CALD1: variants seen among roughly 807,000 people sequenced by gnomAD.
The protein encoded by CALD1 is caldesmon.
In CALD1, 33 loss-of-function variants were observed where a neutral mutation model predicts 99.9. That is an observed-to-expected ratio of 0.33 (90% CI 0.25 to 0.44). CALD1 has a LOEUF of 0.44. Among genes scored for constraint, CALD1 ranks in the 20% least tolerant of loss-of-function variants. The pLI, the probability that CALD1 is intolerant of heterozygous loss-of-function variation, is 1.00. For missense variants in CALD1, 861 were observed against 962.1 expected, an observed-to-expected ratio of 0.89 and a Z score of 1.39; for synonymous variants, 310 against 325.0, an observed-to-expected ratio of 0.95 and a Z score of 0.50.
chr7:134,841,670 C>T (rs907865240), intron 1 of CALD1, among the ~76,000 whole-genome samples: 5 of 152,206 alleles, frequency 3.3e-5, no homozygotes, highest in African/African-American at 1.2e-4. Flanking sequence ...GCTTCTTTGG[C>T]ACTTTCATCT....
At chr7:134,814,724 G>C (rs78363507) in intron 1 of CALD1, among the ~76,000 whole-genome samples, 1 of 152,160 alleles carries the variant, frequency 6.6e-6, no homozygotes, top group East Asian at 1.9e-4. Context: ...AAGAAGGTCA[G>C]ATAAAGAGTG....
At chr7:134,839,904 G>A (rs118118836) in intron 1 of CALD1, among the ~76,000 whole-genome samples, 3 of 152,146 alleles carry the variant, frequency 2.0e-5, no homozygotes, top group Non-Finnish European at 2.9e-5. Context: ...TTTGTGAAAT[G>A]CCTGTTGAAA....
At chr7:134,943,902 T>A in intron 7 of CALD1, among the ~76,000 whole-genome samples, 1 of 152,236 alleles carries the variant, frequency 6.6e-6, no homozygotes, top group East Asian at 1.9e-4. Flanking sequence ...ATTAATGATA[T>A]TAGATTCTAC....
chr7:134,918,863 G>T (rs1456547284), intron 3 of CALD1, among the ~76,000 whole-genome samples: 1 of 152,174 alleles, frequency 6.6e-6, no homozygotes, highest in East Asian at 1.9e-4. Flanking sequence ...AGATGTGGTG[G>T]TGCACACCTG....
intron 1 of CALD1, among the ~76,000 whole-genome samples, chr7:134,751,291 T>C (rs899223250): frequency 2.0e-5 from 3 of 152,226 alleles, no homozygotes; most frequent in Non-Finnish European, 4.4e-5. Context: ...TGACACCTAT[T>C]ATTAGTATAA....
intron 1 of CALD1, among the ~76,000 whole-genome samples, chr7:134,762,738 G>A (rs1585901897): frequency 6.6e-6 from 1 of 152,096 alleles, no homozygotes; most frequent in Middle Eastern, 3.4e-3. Context: ...TCACTATCAC[G>A]AGAACAGCAC....
intron 3 of CALD1, among the ~76,000 whole-genome samples, chr7:134,907,316 G>C (rs1319662524): frequency 6.6e-6 from 1 of 152,070 alleles, no homozygotes; most frequent in Non-Finnish European, 1.5e-5. Context: ...GAGGAAGAAG[G>C]TGATAAGAAC....
At chr7:134,759,923 G>C (rs1019882925) in intron 1 of CALD1, among the ~76,000 whole-genome samples, 10 of 152,220 alleles carry the variant, frequency 6.6e-5, no homozygotes, top group African/African-American at 2.4e-4. Flanking sequence ...GTGGCAGGAT[G>C]GTTCTCATTC....
chr7:134,835,012 T>C (rs1799375921), intron 1 of CALD1, among the ~76,000 whole-genome samples: 1 of 152,228 alleles, frequency 6.6e-6, no homozygotes, highest in African/African-American at 2.4e-5. Flanking sequence ...GTGAGTGTGA[T>C]ATTTTACCAG....
chr7:134,750,823 G>A (rs1192830932), intron 1 of CALD1, among the ~76,000 whole-genome samples: 1 of 151,750 alleles, frequency 6.6e-6, no homozygotes, highest in African/African-American at 2.4e-5. Flanking sequence ...CTATACCAAA[G>A]TTCCAGAGCA....
chr7:134,877,552 A>G (rs1195943359), intron 3 of CALD1, among the ~76,000 whole-genome samples: 2 of 152,198 alleles, frequency 1.3e-5, no homozygotes, highest in Non-Finnish European at 1.5e-5. Context: ...CTGAGGATTC[A>G]ACCAACCCAG....
intron 2 of CALD1, among the ~76,000 whole-genome samples, chr7:134,851,025 A>C (rs1222717158): frequency 6.6e-6 from 1 of 152,170 alleles, no homozygotes; most frequent in East Asian, 1.9e-4. Context: ...GCCACGTGGA[A>C]CTGTGATTCA....
At position 134,958,113 on chromosome 7, in the gene CALD1, G is replaced by GTAAATATT. The variant is rs1473703214; in HGVS notation, c.1979+8_1979+9insTTAAATAT. ...TTTTGAATAAGTCTGTGCAGAAAAGGTAAATATGCTTGATGGTTCAATTGA... is the reference window on the plus strand; with the variant it reads ...TTTTGAATAAGTCTGTGCAGAAAAGGTAAATATTTAAATATGCTTGATGGTTCAATTGA... On this transcript the variant is annotated splice_donor_variant, in intron 10 of 14. Coordinates refer to ENST00000361675, the MANE Select transcript of CALD1 (RefSeq NM_033138.4). LOFTEE classifies it high-confidence loss of function. 1 of 1,610,736 alleles carries GTAAATATT rather than the reference G, an allele frequency of 6.2e-7. No homozygotes were observed. Among genetic ancestry groups the GTAAATATT allele is most frequent in the South Asian group, 1.1e-5 (1 of 90,986 alleles).
At chr7:134,809,858 A>G (rs970257717) in intron 1 of CALD1, among the ~76,000 whole-genome samples, 21 of 152,200 alleles carry the variant, frequency 1.4e-4, no homozygotes, top group Non-Finnish European at 2.9e-4. Context: ...TGATGAGAAC[A>G]TATTTTCATT....
intron 3 of CALD1, among the ~76,000 whole-genome samples, chr7:134,887,381 G>A (rs1801905046): frequency 6.6e-6 from 1 of 152,186 alleles, no homozygotes; most frequent in Non-Finnish European, 1.5e-5. Flanking sequence ...TTCACCTTGG[G>A]GTGGGGGAAC....
intron 2 of CALD1, among the ~76,000 whole-genome samples, chr7:134,866,234 A>T (rs75783036): frequency 2.0e-3 from 300 of 152,294 alleles, no homozygotes; most frequent in African/African-American, 7.0e-3. Context: ...ACTAGATTGG[A>T]AAGTGTAGAA....
In CALD1 at chr7:134,783,008, AAGATCCACTTG is replaced by A. The variant is rs1797167479; in HGVS notation, c.-130+3262_-130+3272del. Reference sequence around the variant, plus strand: ...GTGGTACAAGGCACCAGGAAATCCAAAGATCCACTTGAGCATAAGACCAGTGAGAAAGTGCT... The same window carrying A: ...GTGGTACAAGGCACCAGGAAATCCAAAGCATAAGACCAGTGAGAAAGTGCT... On this transcript the variant is annotated intron_variant, in intron 1 of 14. Transcript: ENST00000361675. The surrounding 1 kb of genome is among the most constrained non-coding windows in gnomAD (Gnocchi z 4.3). 6.6e-6 allele frequency among the ~76,000 whole-genome samples: 1 copy of A among 152,212 alleles called. No individual in the cohort carries two copies. Among genetic ancestry groups the A allele is most frequent in the Admixed American group, 6.5e-5 (1 of 15,276 alleles).
At chr7:134,863,103 A>G (rs573012275) in intron 2 of CALD1, among the ~76,000 whole-genome samples, 1 of 152,246 alleles carries the variant, frequency 6.6e-6, no homozygotes, top group East Asian at 1.9e-4. Flanking sequence ...ATATTGGATA[A>G]GGGACCACCC....
At chr7:134,774,912 T>C (rs1159846991), upstream of CALD1, among the ~76,000 whole-genome samples, 1 of 152,232 alleles carries the variant, frequency 6.6e-6, no homozygotes, top group Admixed American at 6.5e-5. Flanking sequence ...TGGAGAGGTT[T>C]GGGGAAGCAG....
Sources: gnomAD v4.1 joint callset for allele counts (sites outside exome capture counted in the v4.1 genomes callset) on GRCh38, gnomAD v4.1.1 for gene constraint, Gnocchi (gnomAD v3.1) non-coding constraint, MANE v1.5 for transcripts, NCBI Gene and HGNC (gene_info 2026-07-23, HGNC 2026-07-21) for gene names.